Variants in MTMR10 observed in about 807,000 individuals in gnomAD.
MTMR10 encodes myotubularin-related protein 10.
A neutral mutation model predicts 88.1 loss-of-function variants in MTMR10; 56 were observed. The ratio of observed to expected loss-of-function variants is 0.64; its 90% CI spans 0.51 to 0.79. MTMR10 has a LOEUF of 0.79. MTMR10 is among the 30% of genes least tolerant of loss of function. The pLI is 0.00. For synonymous variants in MTMR10, 380 were observed against 340.9 expected (o/e 1.11, Z -1.26); for missense variants, 883 against 924.7 (o/e 0.95, Z 0.58).
intron 5 of MTMR10, among the ~76,000 whole-genome samples, chr15:30,969,414 T>C (rs140616104): frequency 2.0e-5 from 3 of 152,278 alleles, no homozygotes; most frequent in East Asian, 1.9e-4. Context: ...CCTTAAAGCA[T>C]TTCTAGCAGC....
intron 1 of MTMR10, 39 bp downstream of exon 1, chr15:30,991,408 C>T (rs764040584): frequency 6.9e-7 from 1 of 1,451,292 alleles, no homozygotes; most frequent in South Asian, 1.5e-5. Flanking sequence ...CACGGAAGCG[C>T]AGAGGAGAGT....
downstream of MTMR10, among the ~76,000 whole-genome samples, chr15:30,935,868 G>C (rs1371242222): frequency 6.6e-6 from 1 of 151,936 alleles, no homozygotes; most frequent in Non-Finnish European, 1.5e-5. Flanking sequence ...AAAAATTCTG[G>C]CTGCTTTGAC....
intron 14 of MTMR10, chr15:30,943,552 G>GCCAGTGATCTCAAATCACAGACCA: frequency 3.0e-5 from 30 of 985,418 alleles, no homozygotes; most frequent in Non-Finnish European, 3.5e-5. Flanking sequence ...ACTTCACTGA[G>GCCAGTGATCTCAAATCACAGACCA]CCAGTGATCT....
intron 5 of MTMR10, among the ~76,000 whole-genome samples, chr15:30,973,299 C>T (rs2141046117): frequency 6.6e-6 from 1 of 152,214 alleles, no homozygotes; most frequent in African/African-American, 2.4e-5. Flanking sequence ...CCTACAACCA[C>T]TCTACTCTGC....
chr15:30,974,157 T>C (rs897623961), intron 5 of MTMR10, among the ~76,000 whole-genome samples, 157 bp downstream of exon 5: 2 of 151,996 alleles, frequency 1.3e-5, no homozygotes, highest in African/African-American at 4.8e-5. Context: ...AGAAAATAGT[T>C]CTATTAATAT....
At chr15:30,989,749 AT>A (rs34536708) in intron 2 of MTMR10, among the ~76,000 whole-genome samples, 85,300 of 150,482 alleles carry the variant, frequency 0.57, 25,040 homozygotes, top group African/African-American at 0.7. Flanking sequence ...TGCCTGGCTA[AT>A]TTTTTTTTGT....
intron 14 of MTMR10, chr15:30,943,775 C>T (rs1209929943): frequency 2.0e-6 from 2 of 985,306 alleles, no homozygotes; most frequent in African/African-American, 1.7e-5. Flanking sequence ...GACAGCCAAC[C>T]ACCGCATTGT....
Position 30,942,933 on chromosome 15 carries a change from GGT to G in MTMR10, c.1686_1687del (p.Pro563LeufsTer11), listed in dbSNP as rs748097572. On this transcript the variant is annotated frameshift_variant, in exon 15 of 16. Coordinates refer to ENST00000435680, the MANE Select transcript of MTMR10 (RefSeq NM_017762.3). LOFTEE classifies it low-confidence loss of function (END_TRUNC). ...CTTCACGGAGCCATTCTGTATACAA[GGT>G]GTGCTCTTTCCAATGTAGAAGGGGT... 1.9e-6 allele frequency: 3 copies of G among 1,567,866 alleles called. No individual in the cohort carries two copies. Among genetic ancestry groups the G allele is most frequent in the Non-Finnish European group, 2.6e-6 (3 of 1,154,064 alleles).
At chr15:30,963,654 T>TAGATAGATACAC (rs1555409485) in intron 6 of MTMR10, among the ~76,000 whole-genome samples, 1 of 145,874 alleles carries the variant, frequency 6.9e-6, no homozygotes, top group Admixed American at 6.8e-5. Flanking sequence ...AATAGACAGA[T>TAGATAGATACAC]AGATAGATAG....
At chr15:30,984,880 C>T (rs926929319) in intron 2 of MTMR10, among the ~76,000 whole-genome samples, 2 of 152,160 alleles carry the variant, frequency 1.3e-5, no homozygotes, top group Non-Finnish European at 2.9e-5. Flanking sequence ...TTTCTTGACA[C>T]CCCTGCCCTA....
intron 2 of MTMR10, among the ~76,000 whole-genome samples, chr15:30,989,957 T>A (rs2031202076): frequency 6.6e-6 from 1 of 152,112 alleles, no homozygotes; most frequent in Non-Finnish European, 1.5e-5. Context: ...ACAACTGACT[T>A]TTCCTAATTA....
At chr15:30,970,817 G>C (rs1404662231) in intron 5 of MTMR10, among the ~76,000 whole-genome samples, 1 of 152,118 alleles carries the variant, frequency 6.6e-6, no homozygotes, top group Non-Finnish European at 1.5e-5. Context: ...GGAAACAAAT[G>C]AGTATGTCCA....
chr15:30,976,708 A>G, intron 3 of MTMR10, 111 bp downstream of exon 3: 3 of 1,193,234 alleles, frequency 2.5e-6, no homozygotes, highest in Non-Finnish European at 2.3e-6. Context: ...CAAACATTGC[A>G]TTACCTAATA....
At chr15:30,966,732 T>C (rs1008306456) in intron 6 of MTMR10, among the ~76,000 whole-genome samples, 3 of 151,644 alleles carry the variant, frequency 2.0e-5, no homozygotes, top group East Asian at 3.9e-4. Flanking sequence ...GTTACAATTA[T>C]GTATATATCG....
intron 9 of MTMR10, among the ~76,000 whole-genome samples, chr15:30,956,069 G>T (rs768564972): frequency 6.7e-6 from 1 of 150,364 alleles, no homozygotes; most frequent in African/African-American, 2.4e-5. Flanking sequence ...ACCTAGAAAA[G>T]ATAAGAAAAA....
chr15:30,941,443 C>G lies in MTMR10; in HGVS notation c.*27G>C, dbSNP rs2063049088. 6.3e-7 allele frequency: 1 copy of G among 1,577,712 alleles called. No homozygotes were observed. Among genetic ancestry groups the G allele is most frequent in the Non-Finnish European group, 8.6e-7 (1 of 1,163,454 alleles). The stretch of plus-strand genomic sequence containing the variant: ...CAGAGGAAAAAAGTTGACAGCTTCC[C>G]TCAAAATGTTCAGAAAACACCCTAT... On this transcript the variant is annotated 3_prime_UTR_variant, in exon 16 of 16. Coordinates refer to ENST00000435680, the MANE Select transcript of MTMR10 (RefSeq NM_017762.3).
Position 30,967,968 on chromosome 15 carries a change from G to A in MTMR10, c.517C>T (p.Gln173Ter). The change falls in exon 6 of 16, where the codon CAG (glutamine) becomes TAG (stop). Residue 173 changes from glutamine (Q) to a stop codon, truncating the protein, a stop_gained. Coordinates refer to ENST00000435680, the MANE Select transcript of MTMR10 (RefSeq NM_017762.3). LOFTEE classifies it high-confidence loss of function. ...IAHYSQPTDL[Q>*]LLFAFEYVGK... ...ACATATTCAAATGCAAAGAGTAGCT[G>A]GAGGTCTGTTGGCTGGGAATAATGA... 1.9e-6 allele frequency: 3 copies of A among 1,574,546 alleles called. No homozygotes were observed. The highest frequency in any genetic ancestry group is 1.7e-6 in the Non-Finnish European group (2 of 1,158,692).
chr15:30,982,634 G>T (rs889909393), intron 2 of MTMR10, among the ~76,000 whole-genome samples: 2 of 152,212 alleles, frequency 1.3e-5, no homozygotes, highest in Admixed American at 1.3e-4. Context: ...AGGGGAAGAA[G>T]AAAGAAAAGA....
At chr15:30,920,741 C>T in the MTMR10 span, 1 of 759,632 alleles carries the variant, frequency 1.3e-6, no homozygotes, top group Non-Finnish European at 2.2e-6. Flanking sequence ...TCAGCATTTC[C>T]TGCTTATTTG....
Sources: allele counts gnomAD v4.1 joint callset (sites outside exome capture counted in the v4.1 genomes callset), GRCh38; gene constraint gnomAD v4.1.1; transcripts MANE v1.5; gene names NCBI Gene and HGNC (gene_info 2026-07-23, HGNC 2026-07-21).